VPS13D: variants seen among roughly 807,000 people sequenced by gnomAD.
VPS13D encodes intermembrane lipid transfer protein VPS13D.
In VPS13D, 187 loss-of-function variants were observed where a neutral mutation model predicts 461.9. That is an observed-to-expected ratio of 0.40 (90% CI 0.36 to 0.46). The LOEUF (loss-of-function observed/expected upper bound fraction) is 0.46. Ranked by LOEUF, VPS13D falls within the 20% of genes least tolerant of loss-of-function variation. The pLI is 0.60. For synonymous variants in VPS13D, 1,951 were observed against 1,986.3 expected (o/e 0.98, Z 0.47); for missense variants, 4,711 against 5,364.9 (o/e 0.88, Z 3.81).
intron 20 of VPS13D, among the ~76,000 whole-genome samples, chr1:12,280,216 G>A (rs1641738161): frequency 6.6e-6 from 1 of 152,130 alleles, no homozygotes; most frequent in Admixed American, 6.5e-5. Context: ...AAACAGCAGT[G>A]ACAGGCAGGC....
rs757280453 is a variant in VPS13D at position 12,276,549 on chromosome 1, T to G, written c.2961T>G (p.Phe987Leu). ...VLKVFGTNAHFVKRPYDAEVS... is the reference protein window; with the variant it reads ...VLKVFGTNAHLVKRPYDAEVS... ...AGGTGTTTGGTACCAATGCTCACTT[T>G]GTGAAGAGGCCTTATGATGCTGAAG... The change falls in exon 19 of 70, where the codon TTT becomes TTG. Residue 987 changes from phenylalanine (F) to leucine (L), a missense_variant. This residue lies in a region of VPS13D where 4,411 missense variants were observed against 4,937.8 expected (regional missense o/e 0.89). Transcript: ENST00000620676. The surrounding 1 kb of genome is among the most constrained non-coding windows in gnomAD (Gnocchi z 4.5). The G allele has an allele frequency of 9.3e-6, 15 of 1,614,106 alleles. 1 individual carries two copies. The South Asian group carries it at 1.5e-4, about 17-fold the overall frequency.
chr1:12,381,985 T>TTTCC (rs1644287112), intron 57 of VPS13D, among the ~76,000 whole-genome samples: 3 of 147,056 alleles, frequency 2.0e-5, no homozygotes, highest in Non-Finnish European at 4.5e-5. Context: ...TTTCTTTCTC[T>TTTCC]CTCTCTCTCT....
chr1:12,318,400 T>C, intron 31 of VPS13D, 63 bp downstream of exon 31: 1 of 1,541,594 alleles, frequency 6.5e-7, no homozygotes, highest in Admixed American at 1.8e-5. Context: ...ATATCTGCCT[T>C]ACAGGATGAT....
chr1:12,386,592 C>T (rs1233470264), intron 60 of VPS13D, among the ~76,000 whole-genome samples: 1 of 152,148 alleles, frequency 6.6e-6, no homozygotes, highest in Non-Finnish European at 1.5e-5. Flanking sequence ...CACCATCTTG[C>T]CAATAGAAAA....
chr1:12,302,092 T>C (rs1238772020), intron 25 of VPS13D, among the ~76,000 whole-genome samples: 4 of 152,250 alleles, frequency 2.6e-5, no homozygotes, highest in Non-Finnish European at 5.9e-5. Flanking sequence ...TGTTGAATAC[T>C]GTAGGCAGTT....
intron 60 of VPS13D, among the ~76,000 whole-genome samples, chr1:12,397,528 A>G (rs1308868906): frequency 6.6e-6 from 1 of 152,158 alleles, no homozygotes; most frequent in African/African-American, 2.4e-5. Flanking sequence ...GAGATAGGTA[A>G]TGATTCATTC....
At chr1:12,370,057 C>T (rs1644095152) in intron 54 of VPS13D, among the ~76,000 whole-genome samples, 1 of 152,170 alleles carries the variant, frequency 6.6e-6, no homozygotes, top group Non-Finnish European at 1.5e-5. Flanking sequence ...TTCTGACTCT[C>T]CTCCCACCAT....
chr1:12,436,948 G>A (rs753942499), intron 65 of VPS13D, among the ~76,000 whole-genome samples: 2 of 152,146 alleles, frequency 1.3e-5, no homozygotes, highest in African/African-American at 2.4e-5. Context: ...GATTACACGC[G>A]TGAGCCACCG....
intron 60 of VPS13D, among the ~76,000 whole-genome samples, chr1:12,396,478 C>T (rs1644500882): frequency 2.0e-5 from 3 of 152,108 alleles, no homozygotes; most frequent in Non-Finnish European, 4.4e-5. Flanking sequence ...TTTGTAACAT[C>T]ATACTTGGAA....
intron 65 of VPS13D, among the ~76,000 whole-genome samples, chr1:12,422,110 T>A (rs1644872219): frequency 6.6e-6 from 1 of 152,196 alleles, no homozygotes; most frequent in Admixed American, 6.5e-5. Flanking sequence ...ATTACACACT[T>A]GAGCCACTGC....
chr1:12,230,823 T>A (rs1432904597), intron 1 of VPS13D, among the ~76,000 whole-genome samples: 1 of 151,880 alleles, frequency 6.6e-6, no homozygotes. Flanking sequence ...CTCCTAGGTA[T>A]GGGATCCCGG....
At chr1:12,313,795 C>T (rs1228848467) in intron 29 of VPS13D, among the ~76,000 whole-genome samples, 1 of 152,116 alleles carries the variant, frequency 6.6e-6, no homozygotes, top group Non-Finnish European at 1.5e-5. Flanking sequence ...GATATACAGC[C>T]TTCTTAGACT....
At chr1:12,333,123 C>G in intron 37 of VPS13D, 103 bp from the exon 38 acceptor site, 1 of 1,359,346 alleles carries the variant, frequency 7.4e-7, no homozygotes, top group Non-Finnish European at 1.0e-6. Flanking sequence ...AAGTAGAAAG[C>G]TATTAAGCTC....
intron 65 of VPS13D, among the ~76,000 whole-genome samples, chr1:12,440,649 G>A (rs970995756): frequency 6.6e-6 from 1 of 152,198 alleles, no homozygotes; most frequent in Non-Finnish European, 1.5e-5. Context: ...GCTGAGGTGG[G>A]TGGATCACTT....
intron 3 of VPS13D, among the ~76,000 whole-genome samples, chr1:12,243,143 C>T (rs1451712521): frequency 6.6e-6 from 1 of 151,852 alleles, no homozygotes; most frequent in Non-Finnish European, 1.5e-5. Flanking sequence ...TTAGTAGAGA[C>T]GAGGTTTCGC....
chr1:12,294,827 AC>A (rs1642230099), intron 24 of VPS13D, among the ~76,000 whole-genome samples: 1 of 152,138 alleles, frequency 6.6e-6, no homozygotes, highest in Non-Finnish European at 1.5e-5. Context: ...AAAAGTCCTG[AC>A]AGCTGCAAGC....
chr1:12,343,175 T>C, intron 42 of VPS13D, 124 bp downstream of exon 42: 2 of 785,282 alleles, frequency 2.5e-6, no homozygotes, highest in African/African-American at 1.8e-5. Context: ...TCTTATCTTA[T>C]TTTATTTTAT....
At chr1:12,346,556 C>T (rs753571599) in intron 43 of VPS13D, 49 bp from the exon 44 acceptor site, 2 of 1,585,062 alleles carry the variant, frequency 1.3e-6, no homozygotes, top group South Asian at 1.2e-5. Flanking sequence ...TTTAACGTTG[C>T]TAATTATCTT....
chr1:12,321,905 C>A lies in VPS13D; in HGVS notation c.7645C>A (p.Gln2549Lys). The A allele has an allele frequency of 6.2e-7, 1 of 1,613,678 alleles. No homozygotes were observed. The highest frequency in any genetic ancestry group is 8.5e-7 in the Non-Finnish European group (1 of 1,179,884). ...GGAGTTGGTGGGGAATTCTTCTTAT[C>A]AAAATAGTTCAGGATTGATGGATGC... ...QMELVGNSSYQNSSGLMDAFN... is the reference protein window; with the variant it reads ...QMELVGNSSYKNSSGLMDAFN... Residue 2549 changes from glutamine (Q) to lysine (K), a missense_variant, in exon 33 of 70, where the codon CAA (glutamine) becomes AAA (lysine). By Grantham distance (53) the Gln-to-Lys change is moderately conservative. Coordinates refer to ENST00000620676, the MANE Select transcript of VPS13D (RefSeq NM_015378.4).
Sources: allele counts gnomAD v4.1 joint callset (sites outside exome capture counted in the v4.1 genomes callset), GRCh38; gene constraint gnomAD v4.1.1; regional missense constraint gnomAD v4.1.1; non-coding constraint Gnocchi (gnomAD v3.1); transcripts MANE v1.5; gene names NCBI Gene and HGNC (gene_info 2026-07-23, HGNC 2026-07-21).